NCALD: variants seen among roughly 807,000 people sequenced by gnomAD.
NCALD encodes the protein neurocalcin-delta.
Under a neutral mutation model 18.6 loss-of-function variants are expected in NCALD, and 10 were observed. The ratio of observed to expected loss-of-function variants is 0.54; its 90% CI spans 0.33 to 0.91. The LOEUF (loss-of-function observed/expected upper bound fraction) is 0.91. Among genes scored for constraint, NCALD ranks in the 40% least tolerant of loss-of-function variants. The pLI is 0.03. For missense variants in NCALD, 184 were observed against 247.6 expected, an observed-to-expected ratio of 0.74 and a Z score of 1.72; for synonymous variants, 88 against 87.4, an observed-to-expected ratio of 1.01 and a Z score of -0.04.
At chr8:102,088,598 C>T (rs1824819415) in intron 1 of NCALD, among the ~76,000 whole-genome samples, 1 of 151,760 alleles carries the variant, frequency 6.6e-6, no homozygotes, top group African/African-American at 2.4e-5. Context: ...TCATGGAACC[C>T]TAGAAATTAA....
intron 4 of NCALD, among the ~76,000 whole-genome samples, chr8:101,806,684 A>G (rs1488312377): frequency 6.6e-6 from 1 of 152,142 alleles, no homozygotes; most frequent in African/African-American, 2.4e-5. Context: ...AAGAAAAAGA[A>G]TGAAGAAAAT....
chr8:101,750,808 G>A (rs894974284), intron 1 of NCALD: 2 of 152,230 alleles, frequency 1.3e-5, no homozygotes, highest in African/African-American at 4.8e-5. Context: ...GCCAGGTGAT[G>A]AGCAGGCCTG....
chr8:101,892,960 C>T (rs571182917), intron 3 of NCALD, among the ~76,000 whole-genome samples: 2 of 149,262 alleles, frequency 1.3e-5, no homozygotes, highest in Non-Finnish European at 2.9e-5. Flanking sequence ...TCCAGGAGAA[C>T]TTCCCCAATC....
chr8:101,689,518 C>T lies in NCALD; in HGVS notation c.485-112G>A. ...GATTCACCTGCCTGCAGCCTCACTG[C>T]CACTGTGACACACAGCACTCACCTG... On this transcript the variant is annotated intron_variant, in intron 3 of 3. Transcript: ENST00000220931. The surrounding 1 kb of genome is among the most constrained non-coding windows in gnomAD (Gnocchi z 4.4). The T allele has an allele frequency of 1.3e-6, 1 of 775,676 alleles. No homozygotes were observed. The highest frequency in any genetic ancestry group is 2.2e-6 in the Non-Finnish European group (1 of 463,976). The allele number at this position is 775,676 out of a possible 1,614,324, so 48.0% of individuals were successfully genotyped here. A position where few individuals can be genotyped will look rare whatever the true frequency, so the allele number is the denominator to read the frequency against.
At chr8:101,918,311 G>A (rs1033229938) in intron 2 of NCALD, among the ~76,000 whole-genome samples, 7 of 151,966 alleles carry the variant, frequency 4.6e-5, no homozygotes, top group Non-Finnish European at 8.8e-5. Context: ...CAAGAAACTA[G>A]GCATTGAAAG....
At chr8:102,067,297 A>G (rs1824041076) in intron 1 of NCALD, among the ~76,000 whole-genome samples, 3 of 152,194 alleles carry the variant, frequency 2.0e-5, no homozygotes, top group Admixed American at 2.0e-4. Context: ...TAAAACAACA[A>G]CTGAATCCAA....
intron 3 of NCALD, among the ~76,000 whole-genome samples, chr8:101,892,898 G>A (rs1816969178): frequency 6.7e-6 from 1 of 149,740 alleles, no homozygotes; most frequent in South Asian, 2.1e-4. Flanking sequence ...TGGTGTACCA[G>A]AAAGTGATGG....
chr8:101,902,613 G>A (rs1235531508), intron 3 of NCALD, among the ~76,000 whole-genome samples: 1 of 152,216 alleles, frequency 6.6e-6, no homozygotes, highest in Non-Finnish European at 1.5e-5. Flanking sequence ...GCAGCATTAA[G>A]CTGTAGCTTA....
At chr8:101,980,072 C>T (rs1820562586) in intron 2 of NCALD, among the ~76,000 whole-genome samples, 2 of 152,088 alleles carry the variant, frequency 1.3e-5, no homozygotes, top group African/African-American at 2.4e-5. Context: ...GGGCAGGGGG[C>T]ACTGGTTGAT....
At chr8:101,968,824 C>T (rs895820767) in intron 2 of NCALD, among the ~76,000 whole-genome samples, 4 of 152,132 alleles carry the variant, frequency 2.6e-5, no homozygotes, top group African/African-American at 9.7e-5. Context: ...AAGTAAAATC[C>T]CAGCAAAGCC....
chr8:101,988,168 G>GAAAAA (rs1291358795), intron 2 of NCALD, among the ~76,000 whole-genome samples: 5 of 73,710 alleles, frequency 6.8e-5, no homozygotes, highest in Admixed American at 3.3e-4. Context: ...AAAAAAAAAA[G>GAAAAA]AAAAAAAAAA....
At chr8:101,824,648 T>G (rs1813858141) in intron 4 of NCALD, among the ~76,000 whole-genome samples, 1 of 152,120 alleles carries the variant, frequency 6.6e-6, no homozygotes, top group Non-Finnish European at 1.5e-5. Context: ...GTCTTTTCTA[T>G]TAACTCTTTT....
At chr8:102,044,565 A>G (rs1326474296) in intron 1 of NCALD, among the ~76,000 whole-genome samples, 1 of 152,240 alleles carries the variant, frequency 6.6e-6, no homozygotes, top group Non-Finnish European at 1.5e-5. Flanking sequence ...TAACGCGGTA[A>G]TCACTGAGCT....
chr8:101,878,599 A>T (rs185888903), intron 4 of NCALD, among the ~76,000 whole-genome samples: 8 of 152,380 alleles, frequency 5.3e-5, no homozygotes, highest in African/African-American at 1.7e-4. Flanking sequence ...ATCTAGTGAA[A>T]GAAAATTAAA....
chr8:101,723,745 G>C (rs1816461273), intron 1 of NCALD, among the ~76,000 whole-genome samples: 2 of 152,104 alleles, frequency 1.3e-5, no homozygotes, highest in South Asian at 4.1e-4. Flanking sequence ...CTACAATTCA[G>C]ATAAGCCCAC....
chr8:101,959,680 G>A (rs555896241), intron 2 of NCALD, among the ~76,000 whole-genome samples: 14 of 152,220 alleles, frequency 9.2e-5, no homozygotes, highest in African/African-American at 2.9e-4. Flanking sequence ...ATTCTTTGAG[G>A]CTTACTTTTT....
At chr8:101,914,536 C>G (rs1191655881) in intron 3 of NCALD, among the ~76,000 whole-genome samples, 1 of 152,166 alleles carries the variant, frequency 6.6e-6, no homozygotes. Flanking sequence ...GCTTTACCCC[C>G]TGAAAGGCAG....
intron 1 of NCALD, among the ~76,000 whole-genome samples, chr8:102,042,703 G>A (rs1263620151): frequency 7.7e-6 from 1 of 130,584 alleles, no homozygotes; most frequent in East Asian, 2.0e-4. Flanking sequence ...GGTGAAGAAG[G>A]AATCAGTGAA....
upstream of NCALD, among the ~76,000 whole-genome samples, chr8:101,791,204 T>C (rs1812432673): frequency 6.6e-6 from 1 of 152,106 alleles, no homozygotes; most frequent in Admixed American, 6.6e-5. Flanking sequence ...ACCCCCGAAG[T>C]TGTGACTCCA....
Sources: gnomAD v4.1 joint callset for allele counts (sites outside exome capture counted in the v4.1 genomes callset) on GRCh38, gnomAD v4.1.1 for gene constraint, Gnocchi (gnomAD v3.1) non-coding constraint, MANE v1.5 for transcripts, NCBI Gene and HGNC (gene_info 2026-07-23, HGNC 2026-07-21) for gene names.